CNTN4: variants seen among roughly 807,000 people sequenced by gnomAD.
CNTN4 encodes contactin 4.
Under a neutral mutation model 122.5 loss-of-function variants are expected in CNTN4, and 77 were observed. That is an observed-to-expected ratio of 0.63 (90% CI 0.52 to 0.76). The LOEUF is 0.76. Ranked by LOEUF, CNTN4 falls within the 30% of genes least tolerant of loss-of-function variation. The pLI is 0.00. For missense variants in CNTN4, 1,256 were observed against 1,259.1 expected, an observed-to-expected ratio of 1.00 and a Z score of 0.04; for synonymous variants, 512 against 447.0, an observed-to-expected ratio of 1.15 and a Z score of -1.83.
intron 4 of CNTN4, among the ~76,000 whole-genome samples, chr3:2,605,322 C>A (rs1362265830): frequency 6.6e-6 from 1 of 152,190 alleles, no homozygotes; most frequent in African/African-American, 2.4e-5. Flanking sequence ...ACCAGGATAT[C>A]TGGAGTGCAG....
intron 4 of CNTN4, among the ~76,000 whole-genome samples, chr3:2,663,199 G>T: frequency 6.6e-6 from 1 of 152,186 alleles, no homozygotes. Context: ...CAATGATGGC[G>T]ATTTATTAAA....
At chr3:2,891,141 AT>A (rs2094035014) in intron 10 of CNTN4, among the ~76,000 whole-genome samples, 1 of 152,160 alleles carries the variant, frequency 6.6e-6, no homozygotes, top group Non-Finnish European at 1.5e-5. Flanking sequence ...AGGAAATTTT[AT>A]TTTTTGGTAA....
At chr3:2,951,530 G>A (rs1221253965) in intron 13 of CNTN4, among the ~76,000 whole-genome samples, 2 of 152,148 alleles carry the variant, frequency 1.3e-5, no homozygotes, top group Non-Finnish European at 2.9e-5. Flanking sequence ...CTGGGGGTTG[G>A]GGACCCCTGT....
chr3:2,145,190 A>C (rs1483065205), intron 2 of CNTN4, among the ~76,000 whole-genome samples: 1 of 152,242 alleles, frequency 6.6e-6, no homozygotes, highest in Non-Finnish European at 1.5e-5. Flanking sequence ...CCACAACTAA[A>C]GTCTGTGTTC....
At chr3:2,616,509 G>T (rs2081746697) in intron 4 of CNTN4, among the ~76,000 whole-genome samples, 1 of 152,092 alleles carries the variant, frequency 6.6e-6, no homozygotes, top group Non-Finnish European at 1.5e-5. Context: ...TGGGATTGCT[G>T]GGTCAAATGG....
At chr3:2,214,942 A>C (rs1005158405) in intron 2 of CNTN4, among the ~76,000 whole-genome samples, 11 of 152,234 alleles carry the variant, frequency 7.2e-5, no homozygotes, top group Non-Finnish European at 1.2e-4. Flanking sequence ...CTAAATTATA[A>C]ATATTCAAAA....
At chr3:2,946,176 A>T (rs745826454) in intron 13 of CNTN4, among the ~76,000 whole-genome samples, 70 of 152,084 alleles carry the variant, frequency 4.6e-4, no homozygotes, top group South Asian at 2.1e-4. Flanking sequence ...TATTGTTGAA[A>T]ATGGTTCATT....
intron 4 of CNTN4, among the ~76,000 whole-genome samples, chr3:2,711,252 C>G (rs912251945): frequency 6.6e-6 from 1 of 152,118 alleles, no homozygotes; most frequent in Non-Finnish European, 1.5e-5. Context: ...GATGGAGACT[C>G]GGTCAGGACT....
intron 2 of CNTN4, among the ~76,000 whole-genome samples, chr3:2,331,037 G>T (rs1356001524): frequency 6.6e-6 from 1 of 152,036 alleles, no homozygotes; most frequent in Non-Finnish European, 1.5e-5. Context: ...TCATACAATT[G>T]TGCCTTTTTT....
chr3:2,352,685 G>A (rs532416642), intron 3 of CNTN4, among the ~76,000 whole-genome samples: 9 of 152,144 alleles, frequency 5.9e-5, no homozygotes, highest in Admixed American at 1.3e-4. Context: ...GGTGGGCTCC[G>A]GCATGGCTGG....
chr3:2,169,930 A>G (rs985832163), intron 2 of CNTN4, among the ~76,000 whole-genome samples: 1 of 152,198 alleles, frequency 6.6e-6, no homozygotes, highest in Non-Finnish European at 1.5e-5. Flanking sequence ...TCTTCAATAA[A>G]TTTTTACAAT....
chr3:2,211,565 A>G (rs34735083), intron 2 of CNTN4, among the ~76,000 whole-genome samples: 27,898 of 152,116 alleles, frequency 0.18, 2,941 homozygotes, highest in Admixed American at 0.33. Flanking sequence ...AAATTTTCAT[A>G]TATAAGGCAT....
intron 14 of CNTN4, among the ~76,000 whole-genome samples, chr3:3,001,986 T>C (rs186717616): frequency 4.3e-4 from 65 of 152,306 alleles, no homozygotes; most frequent in African/African-American, 1.4e-3. Context: ...GTCATTATCA[T>C]TGAGAAATCT....
Position 2,821,675 on chromosome 3 carries a change from A to C in CNTN4, c.454+2094A>C, listed in dbSNP as rs13317816. The stretch of plus-strand genomic sequence containing the variant: ...GGCTAAAAGGAACTACGATGACTAA[A>C]AGGCAAATATAACTGCACATAAGGG... On this transcript the variant is annotated intron_variant, in intron 7 of 24. Coordinates refer to ENST00000418658, the MANE Select transcript of CNTN4 (RefSeq NM_175607.3). Among the ~76,000 whole-genome samples, 1,393 of 152,328 alleles carry C rather than the reference A, an allele frequency of 9.1e-3. 21 individuals are homozygous for C. The highest frequency in any genetic ancestry group is 0.031 in the African/African-American group (1,301 of 41,568).
At chr3:2,486,622 C>G (rs943662801) in intron 3 of CNTN4, among the ~76,000 whole-genome samples, 1 of 152,016 alleles carries the variant, frequency 6.6e-6, no homozygotes, top group Non-Finnish European at 1.5e-5. Flanking sequence ...CACTAAAAAC[C>G]CAACTTAAAA....
chr3:2,622,354 A>T (rs1286864065), intron 4 of CNTN4, among the ~76,000 whole-genome samples: 1 of 152,112 alleles, frequency 6.6e-6, no homozygotes, highest in Non-Finnish European at 1.5e-5. Flanking sequence ...TACTTTTTTG[A>T]CATCTCTGCT....
intron 2 of CNTN4, among the ~76,000 whole-genome samples, chr3:2,161,162 G>T (rs1006860001): frequency 6.6e-6 from 1 of 152,072 alleles, no homozygotes; most frequent in African/African-American, 2.4e-5. Flanking sequence ...GGAAGCAGAA[G>T]TCATTGAAAT....
chr3:2,788,102 G>C (rs905407262), intron 6 of CNTN4, among the ~76,000 whole-genome samples: 1 of 152,048 alleles, frequency 6.6e-6, no homozygotes, highest in African/African-American at 2.4e-5. Flanking sequence ...AATATATAAT[G>C]TAATCATAAG....
intron 3 of CNTN4, among the ~76,000 whole-genome samples, chr3:2,423,909 A>G (rs1404171656): frequency 8.9e-6 from 1 of 112,930 alleles, no homozygotes; most frequent in Non-Finnish European, 1.8e-5. Context: ...CAGGAAAAGG[A>G]ATATCACACA....
Sources: allele counts gnomAD v4.1 joint callset (sites outside exome capture counted in the v4.1 genomes callset), GRCh38; gene constraint gnomAD v4.1.1; transcripts MANE v1.5; gene names NCBI Gene and HGNC (gene_info 2026-07-23, HGNC 2026-07-21).